The following PFDN2 variants were observed in gnomAD, a reference collection of about 807,000 sequenced individuals.
PFDN2 encodes prefoldin 2.
Under a neutral mutation model 18.3 loss-of-function variants are expected in PFDN2, and 7 were observed. That is an observed-to-expected ratio of 0.38 (90% CI 0.22 to 0.72). PFDN2 has a LOEUF of 0.72. Ranked by LOEUF, PFDN2 falls within the 30% of genes least tolerant of loss-of-function variation. The probability of loss-of-function intolerance (pLI) is 0.47; values close to 1 mark genes in which losing one functional copy is unlikely to be tolerated. For missense variants in PFDN2, 181 were observed against 199.1 expected, an observed-to-expected ratio of 0.91 and a Z score of 0.55; for synonymous variants, 76 against 75.0, an observed-to-expected ratio of 1.01 and a Z score of -0.07.
chr1:161,108,842 T>G (rs1458797669), intron 1 of PFDN2, among the ~76,000 whole-genome samples: 4 of 152,150 alleles, frequency 2.6e-5, no homozygotes, highest in Non-Finnish European at 5.9e-5. Flanking sequence ...ATTTTTAGAG[T>G]TGGAATGTAA....
intron 1 of PFDN2, among the ~76,000 whole-genome samples, chr1:161,106,887 C>T (rs1366413391): frequency 7.9e-5 from 12 of 152,214 alleles, no homozygotes. Flanking sequence ...CTCAGTGCAG[C>T]CTTGAATTCC....
intron 1 of PFDN2, among the ~76,000 whole-genome samples, chr1:161,106,553 G>C (rs1654680870): frequency 1.3e-5 from 2 of 152,114 alleles, no homozygotes; most frequent in South Asian, 4.1e-4. Flanking sequence ...TCTGTCTGCT[G>C]TAAGCACAGA....
chr1:161,100,711 G>A lies in PFDN2; in HGVS notation c.437C>T (p.Ala146Val). Reference sequence around the variant, plus strand: ...GGAGACCAACACTCCAGCTGAGCTGGCCTTAGCCCCAGCCCCTTCTGAGTT... The same window carrying A: ...GGAGACCAACACTCCAGCTGAGCTGACCTTAGCCCCAGCCCCTTCTGAGTT... ...KENSEGAGAK[A>V]SSAGVLVS The change falls in exon 4 of 4, where the codon GCC becomes GTC. Residue 146 changes from alanine to valine, a missense_variant. Physicochemically the swap from Ala to Val is moderately conservative, Grantham distance 64. Transcript: ENST00000368010. 1 of 1,613,822 alleles carries A rather than the reference G, an allele frequency of 6.2e-7. No individual in the cohort carries two copies. Among genetic ancestry groups the A allele is most frequent in the Non-Finnish European group, 8.5e-7 (1 of 1,179,906 alleles).
chr1:161,101,935 G>C, intron 3 of PFDN2, 113 bp downstream of exon 3: 1 of 1,011,270 alleles, frequency 9.9e-7, no homozygotes, highest in Non-Finnish European at 1.5e-6. Flanking sequence ...GTTTCACCAT[G>C]TTGCCCAGGC....
chr1:161,102,178 T>G lies in PFDN2; in HGVS notation c.165-7A>C. 6.2e-7 allele frequency: 1 copy of G among 1,614,190 alleles called. No individual in the cohort carries two copies. Among genetic ancestry groups the G allele is most frequent in the Non-Finnish European group, 8.5e-7 (1 of 1,180,016 alleles). On this transcript the variant is annotated splice_region_variant and splice_polypyrimidine_tract_variant and intron_variant, in intron 2 of 3. Coordinates refer to ENST00000368010, the MANE Select transcript of PFDN2 (RefSeq NM_012394.4). ...CAGTGTATCGATCACTAGGCTGGGATAGGAGAACAAGGCAGGACCTGAGGA... is the reference window on the plus strand; with the variant it reads ...CAGTGTATCGATCACTAGGCTGGGAGAGGAGAACAAGGCAGGACCTGAGGA...
intron 1 of PFDN2, among the ~76,000 whole-genome samples, chr1:161,103,683 CAAAAAAAAAAAAAAAAAAA>C (rs553472563): frequency 0.03 from 2,235 of 75,176 alleles, 94 homozygotes; most frequent in African/African-American, 0.11. Flanking sequence ...GACTCCGTCT[CAAAAAAAAAAAAAAAAAAA>C]AAAAAAAAAA....
chr1:161,102,850 T>C (rs1262811549), intron 1 of PFDN2, among the ~76,000 whole-genome samples: 6 of 150,964 alleles, frequency 4.0e-5, no homozygotes, highest in African/African-American at 1.5e-4. Context: ...CCCAGCTACT[T>C]GGGAGGCTGA....
At chr1:161,110,806 T>A (rs1654788205) in intron 1 of PFDN2, among the ~76,000 whole-genome samples, 1 of 151,616 alleles carries the variant, frequency 6.6e-6, no homozygotes, top group Non-Finnish European at 1.5e-5. Flanking sequence ...TACTCATCCC[T>A]TCTCTTCATG....
chr1:161,116,594 A>G (rs1424193809), intron 1 of PFDN2, among the ~76,000 whole-genome samples: 2 of 152,160 alleles, frequency 1.3e-5, no homozygotes, highest in Non-Finnish European at 1.5e-5. Context: ...AGCACTTTAT[A>G]CTTCTCTTAG....
At chr1:161,103,050 A>T (rs1014053520) in intron 1 of PFDN2, among the ~76,000 whole-genome samples, 15 of 151,712 alleles carry the variant, frequency 9.9e-5, no homozygotes, top group Non-Finnish European at 1.5e-5. Context: ...AGGGCTTTGT[A>T]ATGAGTAACT....
At chr1:161,101,052 C>G (rs756459170) in intron 3 of PFDN2, among the ~76,000 whole-genome samples, 193 bp from the exon 4 acceptor site, 4 of 152,116 alleles carry the variant, frequency 2.6e-5, no homozygotes, top group Non-Finnish European at 5.9e-5. Context: ...ATCACCTGGG[C>G]TGCTTATTTT....
At chr1:161,112,305 C>T (rs867083793) in intron 1 of PFDN2, among the ~76,000 whole-genome samples, 21 of 152,156 alleles carry the variant, frequency 1.4e-4, no homozygotes, top group African/African-American at 5.1e-4. Context: ...AGATCATCTC[C>T]ACCTAAATGT....
At chr1:161,105,091 T>C (rs1654652530) in intron 1 of PFDN2, among the ~76,000 whole-genome samples, 2 of 152,178 alleles carry the variant, frequency 1.3e-5, no homozygotes. Flanking sequence ...AAGCAGATTC[T>C]AGATGTTCCC....
intron 1 of PFDN2, among the ~76,000 whole-genome samples, chr1:161,104,447 CTTTTT>C (rs550881339): frequency 1.0e-4 from 14 of 137,810 alleles, no homozygotes; most frequent in African/African-American, 3.7e-4. Context: ...TTTTCTTTTT[CTTTTT>C]TTTTTTTTTT....
At chr1:161,117,001 G>A (rs887443271) in intron 1 of PFDN2, among the ~76,000 whole-genome samples, 17 of 152,356 alleles carry the variant, frequency 1.1e-4, no homozygotes, top group African/African-American at 3.4e-4. Flanking sequence ...TTGGGAGGCC[G>A]AGGCGTGCGG....
chr1:161,112,716 A>C (rs753698881), intron 1 of PFDN2, among the ~76,000 whole-genome samples: 3 of 152,146 alleles, frequency 2.0e-5, no homozygotes, highest in Non-Finnish European at 4.4e-5. Context: ...TTCTTATCTG[A>C]ATTACTGCAA....
At position 161,102,183 on chromosome 1, in the gene PFDN2, G is replaced by A. The variant is rs1204864670; in HGVS notation, c.165-12C>T. The A allele has an allele frequency of 1.2e-6, 2 of 1,614,162 alleles. No individual in the cohort carries two copies. Among genetic ancestry groups the A allele is most frequent in the Admixed American group, 1.7e-5 (1 of 60,022 alleles). Reference sequence around the variant, plus strand: ...TATCGATCACTAGGCTGGGATAGGAGAACAAGGCAGGACCTGAGGATTCAG... The same window carrying A: ...TATCGATCACTAGGCTGGGATAGGAAAACAAGGCAGGACCTGAGGATTCAG... On this transcript the variant is annotated splice_polypyrimidine_tract_variant and intron_variant, in intron 2 of 3. Coordinates refer to ENST00000368010, the MANE Select transcript of PFDN2 (RefSeq NM_012394.4).
At position 161,102,161 on chromosome 1, in the gene PFDN2, C is replaced by T. The variant is rs1415186885; in HGVS notation, c.175G>A (p.Asp59Asn). 2 of 1,614,060 alleles carry T rather than the reference C, an allele frequency of 1.2e-6. No individual in the cohort carries two copies. Among genetic ancestry groups the T allele is most frequent in the Non-Finnish European group, 1.7e-6 (2 of 1,180,016 alleles). ...MELNEHSLVI[D>N]TLKEVDETRK... ...GTTTCATCTACCTCCTTCAGTGTAT[C>T]GATCACTAGGCTGGGATAGGAGAAC... Residue 59 changes from aspartate to asparagine, a missense_variant, in exon 3 of 4, where the codon GAT becomes AAT. Coordinates refer to ENST00000368010, the MANE Select transcript of PFDN2 (RefSeq NM_012394.4).
Position 161,108,145 on chromosome 1 carries a change from A to T in PFDN2, c.76-5770T>A, listed in dbSNP as rs566087034. Among the ~76,000 whole-genome samples, 747 of 148,418 alleles carry T rather than the reference A, an allele frequency of 5.0e-3. 7 individuals are homozygous for T. Among genetic ancestry groups the T allele is most frequent in the African/African-American group, 0.018 (708 of 40,188 alleles). On this transcript the variant is annotated intron_variant, in intron 1 of 3. Transcript: ENST00000368010. ...AAAAAACAAAAACAAAAACAAAAAT[A>T]AAAATTAAAAAAAAAAAAAAAACAA...
Sources: allele counts gnomAD v4.1 joint callset (sites outside exome capture counted in the v4.1 genomes callset), GRCh38; gene constraint gnomAD v4.1.1; transcripts MANE v1.5; gene names NCBI Gene and HGNC (gene_info 2026-07-23, HGNC 2026-07-21).